Variants in HSPA12B observed in about 807,000 individuals in gnomAD.
HSPA12B encodes heat shock protein family A (Hsp70) member 12B.
Under a neutral mutation model 69.3 loss-of-function variants are expected in HSPA12B, and 54 were observed. The ratio of observed to expected loss-of-function variants is 0.78; its 90% CI spans 0.63 to 0.98. The LOEUF (loss-of-function observed/expected upper bound fraction) is 0.98, where lower values mean the gene tolerates loss of function less well. Ranked by LOEUF, HSPA12B falls within the 50% of genes least tolerant of loss-of-function variation. The probability of loss-of-function intolerance (pLI) is 0.00; values close to 1 mark genes in which losing one functional copy is unlikely to be tolerated. For missense variants in HSPA12B, 929 were observed against 999.8 expected (o/e 0.93, Z 0.96); for synonymous variants, 441 against 436.5 (o/e 1.01, Z -0.13).
At chr20:3,751,418 C>T (rs968852834) in intron 12 of HSPA12B, 93 bp from the exon 13 acceptor site, 20 of 1,351,232 alleles carry the variant, frequency 1.5e-5, no homozygotes, top group East Asian at 2.9e-5. Flanking sequence ...GGGGAGGCGC[C>T]GGTGGCCGCC....
chr20:3,732,971 C>A (rs888721982), intron 1 of HSPA12B, among the ~76,000 whole-genome samples, 177 bp downstream of exon 1: 15 of 152,234 alleles, frequency 9.9e-5, no homozygotes, highest in Non-Finnish European at 1.9e-4. Flanking sequence ...CTTGGGGCAG[C>A]GACCTTGGTC....
At chr20:3,734,198 C>T (rs867317005) in intron 1 of HSPA12B, among the ~76,000 whole-genome samples, 7 of 152,130 alleles carry the variant, frequency 4.6e-5, no homozygotes, top group African/African-American at 1.7e-4. Context: ...GGGCAGGGTT[C>T]GTCCTAGGCT....
chr20:3,744,909 G>A lies in HSPA12B; in HGVS notation c.274G>A (p.Glu92Lys). The A allele has an allele frequency of 6.2e-7, 1 of 1,612,492 alleles. No homozygotes were observed. Among genetic ancestry groups the A allele is most frequent in the Non-Finnish European group, 8.5e-7 (1 of 1,179,926 alleles). The change falls in exon 5 of 13, where the codon GAG becomes AAG. Residue 92 changes from glutamate to lysine, a missense_variant. Physicochemically the swap from Glu to Lys is moderately conservative, Grantham distance 56. Transcript: ENST00000254963. This position sits in a 1 kb window ranked among gnomAD's most constrained non-coding sequence, Gnocchi z 4.9. Reference sequence around the variant, plus strand: ...TGCCCTGTGCCTCCGCAGGAAATGGGAGGGCGGAGACCCGGGCGTGGCCCA... The same window carrying A: ...TGCCCTGTGCCTCCGCAGGAAATGGAAGGGCGGAGACCCGGGCGTGGCCCA... ...PEAIHMMRKW[E>K]GGDPGVAHQK...
intron 12 of HSPA12B, 52 bp downstream of exon 12, chr20:3,750,959 C>G (rs2088409180): frequency 6.2e-6 from 9 of 1,456,872 alleles, no homozygotes; most frequent in Non-Finnish European, 8.7e-6. Flanking sequence ...CAAACAGATG[C>G]AGAATAATTC....
chr20:3,743,533 C>G (rs1044026969), intron 4 of HSPA12B, among the ~76,000 whole-genome samples: 1 of 152,104 alleles, frequency 6.6e-6, no homozygotes, highest in African/African-American at 2.4e-5. Flanking sequence ...CAAACACACA[C>G]ATATACAAAC....
rs1450609897 is a variant in HSPA12B at position 3,751,676 on chromosome 20, CGGTGCTGTTCGGCCAGGCGCCGGGCGT to C, written c.1577_1603del (p.Leu526_Val534del). ...GTGGGCCTCACCATCCTCAAAGGCG[CGGTGCTGTTCGGCCAGGCGCCGGGCGT>C]GGTGCGGGTCCGCCGCTCGCCGCTC... On this transcript the variant is annotated inframe_deletion, in exon 13 of 13. Transcript: ENST00000254963. 10 of 1,499,242 alleles carry C rather than the reference CGGTGCTGTTCGGCCAGGCGCCGGGCGT, an allele frequency of 6.7e-6. No individual in the cohort carries two copies. Among genetic ancestry groups the C allele is most frequent in the Non-Finnish European group, 8.9e-6 (10 of 1,128,300 alleles). The allele number at this position is 1,499,242 out of a possible 1,614,324, so 92.9% of individuals were successfully genotyped here. A position where few individuals can be genotyped will look rare whatever the true frequency, so the allele number is the denominator to read the frequency against.
At chr20:3,735,251 T>A (rs1478201314) in intron 1 of HSPA12B, among the ~76,000 whole-genome samples, 1 of 152,222 alleles carries the variant, frequency 6.6e-6, no homozygotes, top group Non-Finnish European at 1.5e-5. Context: ...TCACCCATTC[T>A]ACAGGAAAGG....
chr20:3,734,116 C>T (rs113216496), intron 1 of HSPA12B, among the ~76,000 whole-genome samples: 1,886 of 152,286 alleles, frequency 0.012, 40 homozygotes, highest in African/African-American at 0.042. Context: ...TGCAGTGAGC[C>T]GTGATCGTGC....
chr20:3,739,442 G>A (rs1048602911), intron 2 of HSPA12B, among the ~76,000 whole-genome samples: 5 of 152,222 alleles, frequency 3.3e-5, no homozygotes, highest in Admixed American at 2.0e-4. Context: ...TCTCCGCAGG[G>A]GTGGGAGGCC....
intron 12 of HSPA12B, 192 bp downstream of exon 12, chr20:3,751,099 G>A (rs2088412296): frequency 1.6e-5 from 8 of 509,222 alleles, no homozygotes; most frequent in South Asian, 8.4e-5. Context: ...GTCTTGCCAA[G>A]GCAAAAAACT....
At position 3,748,293 on chromosome 20, in the gene HSPA12B, G is replaced by T. The variant is rs769008328; in HGVS notation, c.752G>T (p.Arg251Leu). 3.1e-6 allele frequency: 5 copies of T among 1,611,284 alleles called. No individual in the cohort carries two copies. The highest frequency in any genetic ancestry group is 3.4e-6 in the Non-Finnish European group (4 of 1,178,830). Residue 251 changes from arginine (R) to leucine (L), a missense_variant, in exon 8 of 13, where the codon CGC (arginine) becomes CTC (leucine). This residue lies in a region of HSPA12B where 477 missense variants were observed against 535.2 expected (regional missense o/e 0.89). Coordinates refer to ENST00000254963, the MANE Select transcript of HSPA12B (RefSeq NM_052970.5). ...CCCGAGGCCGCCTCGGTATACTGCCGCAAGCTGCGCCTGCACCAGCTCCTG... is the reference window on the plus strand; with the variant it reads ...CCCGAGGCCGCCTCGGTATACTGCCTCAAGCTGCGCCTGCACCAGCTCCTG... ...LEPEAASVYC[R>L]KLRLHQLLDL...
Position 3,749,981 on chromosome 20 carries a change from G to C in HSPA12B, c.1055G>C (p.Gly352Ala). Residue 352 changes from glycine to alanine, a missense_variant, in exon 11 of 13, where the codon GGC becomes GCC. By Grantham distance (60) the Gly-to-Ala change is moderately conservative. Coordinates refer to ENST00000254963, the MANE Select transcript of HSPA12B (RefSeq NM_052970.5). This position sits in a 1 kb window ranked among gnomAD's most constrained non-coding sequence, Gnocchi z 5.5. Reference sequence around the variant, plus strand: ...TGCTCCACCCCAGGGGGCCCTTATGGCGCGGTGGGCGTGGACCTGGCCTTC... The same window carrying C: ...TGCTCCACCCCAGGGGGCCCTTATGCCGCGGTGGGCGTGGACCTGGCCTTC... ...ELYKASGGPY[G>A]AVGVDLAFEQ... is the part of the protein sequence containing the mutation. 1 of 1,568,694 alleles carries C rather than the reference G, an allele frequency of 6.4e-7. No homozygotes were observed. The highest frequency in any genetic ancestry group is 1.2e-5 in the South Asian group (1 of 86,310).
Position 3,749,985 on chromosome 20 carries a change from G to A in HSPA12B, c.1059G>A (p.Ala353=), listed in dbSNP as rs34259366. 2.9e-4 allele frequency: 449 copies of A among 1,571,860 alleles called. 5 individuals are homozygous for A. The highest frequency in any genetic ancestry group is 1.7e-3 in the Admixed American group (93 of 54,170). ...CCACCCCAGGGGGCCCTTATGGCGC[G>A]GTGGGCGTGGACCTGGCCTTCGAGC... ...LYKASGGPYG[A]VGVDLAFEQL... The change falls in exon 11 of 13, where the codon GCG becomes GCA. Residue 353 remains alanine (A), a synonymous_variant. Coordinates refer to ENST00000254963, the MANE Select transcript of HSPA12B (RefSeq NM_052970.5). The surrounding 1 kb of genome is among the most constrained non-coding windows in gnomAD (Gnocchi z 5.5).
At position 3,737,998 on chromosome 20, in the gene HSPA12B, G is replaced by A. The variant is rs1196653688; in HGVS notation, c.-17-660G>A. On this transcript the variant is annotated intron_variant, in intron 1 of 12. Coordinates refer to ENST00000254963, the MANE Select transcript of HSPA12B (RefSeq NM_052970.5). This position sits in a 1 kb window ranked among gnomAD's most constrained non-coding sequence, Gnocchi z 4.1. The stretch of plus-strand genomic sequence containing the variant: ...AGCCTGGGCAACAGAGTGAGACCCT[G>A]TCTCAGAAAAAAGAAAAGACAAATT... 6.6e-6 allele frequency among the ~76,000 whole-genome samples: 1 copy of A among 152,132 alleles called. No individual in the cohort carries two copies. The highest frequency in any genetic ancestry group is 1.9e-4 in the East Asian group (1 of 5,200).
intron 4 of HSPA12B, 96 bp downstream of exon 4, chr20:3,742,504 T>C (rs1393772083): frequency 2.0e-6 from 2 of 981,040 alleles, no homozygotes; most frequent in African/African-American, 3.2e-5. Context: ...TGGGGTCTCC[T>C]TGGAGGCCCT....
rs1642120208 is a variant in HSPA12B, at chr20:3,752,723, A to G, written c.*557A>G. 1 of 152,186 alleles carries G rather than the reference A, an allele frequency of 6.6e-6. No individual in the cohort carries two copies. The highest frequency in any genetic ancestry group is 1.5e-5 in the Non-Finnish European group (1 of 68,406). 9.4% of individuals were successfully genotyped at this position (152,186 alleles called of 1,614,324 possible). A position where few individuals can be genotyped will look rare whatever the true frequency, so the allele number is the denominator to read the frequency against. On this transcript the variant is annotated 3_prime_UTR_variant, in exon 13 of 13. Coordinates refer to ENST00000254963, the MANE Select transcript of HSPA12B (RefSeq NM_052970.5). ...CTGGTGTGGTGCTGACCACCCAAAT[A>G]TGACTGTGAATTGTGGAAAGGGCAG...
chr20:3,748,117 G>C, intron 7 of HSPA12B, 100 bp from the exon 8 acceptor site: 1 of 1,061,236 alleles, frequency 9.4e-7, no homozygotes, highest in Non-Finnish European at 1.3e-6. Flanking sequence ...GATGGAGGAG[G>C]AGGTGGGAGC....
At chr20:3,733,059 T>G (rs1370804761) in intron 1 of HSPA12B, among the ~76,000 whole-genome samples, 1 of 152,156 alleles carries the variant, frequency 6.6e-6, no homozygotes, top group African/African-American at 2.4e-5. Flanking sequence ...GAAACTCCTG[T>G]GTCTTAGGGG....
rs765080535 is a variant in HSPA12B at position 3,748,343 on chromosome 20, G to A, written c.802G>A (p.Gly268Ser). The change falls in exon 8 of 13, where the codon GGT becomes AGT. Residue 268 changes from glycine to serine, a missense_variant. By Grantham distance (56) the Gly-to-Ser change is moderately conservative (BLOSUM62 0). Around this residue, in one of 3 missense-constraint regions of HSPA12B, gnomAD observed 477 missense variants for 535.2 expected, o/e 0.89. Coordinates refer to ENST00000254963, the MANE Select transcript of HSPA12B (RefSeq NM_052970.5). The stretch of plus-strand genomic sequence containing the variant: ...GGACCTGAGTGGCCGGGCCCCAGGT[G>A]GTGGGCGCCTGGGTGAGCGCCGCTC... ...LLDLSGRAPG[G>S]GRLGERRSID... 1.9e-6 allele frequency: 3 copies of A among 1,609,998 alleles called. No individual in the cohort carries two copies. Among genetic ancestry groups the A allele is most frequent in the Non-Finnish European group, 2.5e-6 (3 of 1,178,294 alleles).
Sources: gnomAD v4.1 joint callset for allele counts (sites outside exome capture counted in the v4.1 genomes callset) on GRCh38, gnomAD v4.1.1 for gene constraint, gnomAD v4.1.1 regional missense constraint, Gnocchi (gnomAD v3.1) non-coding constraint, MANE v1.5 for transcripts, NCBI Gene and HGNC (gene_info 2026-07-23, HGNC 2026-07-21) for gene names.